ZNF576: variants seen among roughly 807,000 people sequenced by gnomAD.
ZNF576 encodes the protein zinc finger protein 576.
Under a neutral mutation model 10.8 loss-of-function variants are expected in ZNF576, and 9 were observed. That is an observed-to-expected ratio of 0.84 (90% CI 0.50 to 1.46). The LOEUF is 1.46. Among genes scored for constraint, ZNF576 ranks in the 40% most tolerant of loss-of-function variants. The pLI, the probability that ZNF576 is intolerant of heterozygous loss-of-function variation, is 0.00. For missense variants in ZNF576, 191 were observed against 233.7 expected, an observed-to-expected ratio of 0.82 and a Z score of 1.19; for synonymous variants, 88 against 89.6, an observed-to-expected ratio of 0.98 and a Z score of 0.10.
chr19:43,597,076 C>T lies in ZNF576; in HGVS notation c.-15-18C>T, dbSNP rs1973153322. ...ACAGATGAACAGCTTCACTTATGCACGCTCCTCTCCTGACTAGAAGGGTCC... is the reference window on the plus strand; with the variant it reads ...ACAGATGAACAGCTTCACTTATGCATGCTCCTCTCCTGACTAGAAGGGTCC... On this transcript the variant is annotated intron_variant, in intron 1 of 2. Coordinates refer to ENST00000336564, the MANE Select transcript of ZNF576 (RefSeq NM_001145347.2). 1 of 1,608,574 alleles carries T rather than the reference C, an allele frequency of 6.2e-7. No individual in the cohort carries two copies. The highest frequency in any genetic ancestry group is 1.7e-5 in the Admixed American group (1 of 59,986).
chr19:43,597,014 A>C, intron 1 of ZNF576, 80 bp from the exon 2 acceptor site: 1 of 1,219,466 alleles, frequency 8.2e-7, no homozygotes, highest in Non-Finnish European at 1.2e-6. Flanking sequence ...TGGCGATGTC[A>C]AAGGTCATAG....
At position 43,596,601 on chromosome 19, in the gene ZNF576, G is replaced by C. The variant is rs1449724306; in HGVS notation, c.-158G>C. On this transcript the variant is annotated 5_prime_UTR_variant, in exon 1 of 3. Coordinates refer to ENST00000336564, the MANE Select transcript of ZNF576 (RefSeq NM_001145347.2). Reference sequence around the variant, plus strand: ...GCCCTCTGCTGTAAGGAGGAAAACTGAGGCCTGGGAGCAGGAACCTGTAGG... The same window carrying C: ...GCCCTCTGCTGTAAGGAGGAAAACTCAGGCCTGGGAGCAGGAACCTGTAGG... The C allele has an allele frequency of 6.4e-6, 1 of 155,656 alleles. No homozygotes were observed. The highest frequency in any genetic ancestry group is 2.4e-5 in the African/African-American group (1 of 41,482). 9.6% of individuals were successfully genotyped at this position (155,656 alleles called of 1,614,324 possible).
In ZNF576 at chr19:43,600,000, A is replaced by G. The variant is rs536736594; in HGVS notation, c.*742A>G. ...AACATCCATATTAAAATGTCTAAAC[A>G]GGGAGCTCTGGCTTTTGAGTGGGAA... On this transcript the variant is annotated 3_prime_UTR_variant, in exon 3 of 3. Coordinates refer to ENST00000336564, the MANE Select transcript of ZNF576 (RefSeq NM_001145347.2). 2.0e-5 allele frequency: 3 copies of G among 152,354 alleles called. No homozygotes were observed. The highest frequency in any genetic ancestry group is 7.2e-5 in the African/African-American group (3 of 41,586). The allele number at this position is 152,354 out of a possible 1,614,324, so 9.4% of individuals were successfully genotyped here.
Position 43,597,201 on chromosome 19 carries a change from C to G in ZNF576, c.85+8C>G. ...GCCCAGGAGGCAACATCTGTGAGTA[C>G]ACATGGCTGGCGGGCTAGAGGAGGG... On this transcript the variant is annotated splice_region_variant and intron_variant, in intron 2 of 2. Coordinates refer to ENST00000336564, the MANE Select transcript of ZNF576 (RefSeq NM_001145347.2). 1 of 1,613,288 alleles carries G rather than the reference C, an allele frequency of 6.2e-7. No individual in the cohort carries two copies.
In ZNF576 at chr19:43,600,809, A is replaced by G. The variant is rs1295418022; in HGVS notation, c.*1551A>G. 6.6e-6 allele frequency: 1 copy of G among 152,288 alleles called. No homozygotes were observed. Among genetic ancestry groups the G allele is most frequent in the East Asian group, 1.9e-4 (1 of 5,210 alleles). The allele number at this position is 152,288 out of a possible 1,614,324, so 9.4% of individuals were successfully genotyped here. On this transcript the variant is annotated 3_prime_UTR_variant, in exon 3 of 3. Transcript: ENST00000336564. ...GGTTGCAGTGAGCCAAGATCGTGCC[A>G]TTGCACTTCAGCCTGGGTGACAGAG...
chr19:43,598,976 C>G lies in ZNF576; in HGVS notation c.231C>G (p.Ala77=). The G allele has an allele frequency of 6.2e-7, 1 of 1,614,148 alleles. No homozygotes were observed. Among genetic ancestry groups the G allele is most frequent in the East Asian group, 2.2e-5 (1 of 44,884 alleles). The stretch of plus-strand genomic sequence containing the variant: ...TCCTCTTCATCTGCTTCACCTGCGC[C>G]CGCTCCTTCCCCTCCTCCAAAGCCC... ...QGVLFICFTC[A]RSFPSSKALI... Residue 77 remains alanine, a synonymous_variant, in exon 3 of 3, where the codon GCC becomes GCG. Transcript: ENST00000336564.
chr19:43,597,237 G>A (rs754086057), intron 2 of ZNF576, 44 bp downstream of exon 2: 78 of 1,564,092 alleles, frequency 5.0e-5, no homozygotes, highest in Non-Finnish European at 6.6e-5. Context: ...TGGGGTGCAG[G>A]AGCTGATGCT....
At position 43,600,957 on chromosome 19, in the gene ZNF576, A is replaced by C. The variant is rs933008704; in HGVS notation, c.*1699A>C. ...GGATAAGAGCAACACGTGGGAAGAC[A>C]GAGCAACAAGATAGGAGCCTGGGTC... is the stretch of plus-strand genomic sequence containing the variant. On this transcript the variant is annotated 3_prime_UTR_variant, in exon 3 of 3. Coordinates refer to ENST00000336564, the MANE Select transcript of ZNF576 (RefSeq NM_001145347.2). The C allele has an allele frequency of 6.6e-6, 1 of 151,504 alleles. No homozygotes were observed. The highest frequency in any genetic ancestry group is 1.9e-4 in the East Asian group (1 of 5,206). 9.4% of individuals were successfully genotyped at this position (151,504 alleles called of 1,614,324 possible).
chr19:43,597,032 G>A (rs1973152827), intron 1 of ZNF576, 62 bp from the exon 2 acceptor site: 1 of 1,437,450 alleles, frequency 7.0e-7, no homozygotes. Context: ...TAGACTTAGG[G>A]TGCCCTCTAA....
chr19:43,598,198 G>T (rs554582734), intron 2 of ZNF576, among the ~76,000 whole-genome samples: 1 of 152,224 alleles, frequency 6.6e-6, no homozygotes, highest in Admixed American at 6.5e-5. Context: ...TTCATATTTT[G>T]TCTGTGCTCA....
Position 43,599,468 on chromosome 19 carries a change from G to A in ZNF576, c.*210G>A. 1 of 529,518 alleles carries A rather than the reference G, an allele frequency of 1.9e-6. No individual in the cohort carries two copies. Among genetic ancestry groups the A allele is most frequent in the Non-Finnish European group, 3.3e-6 (1 of 303,222 alleles). 32.8% of individuals were successfully genotyped at this position (529,518 alleles called of 1,614,324 possible). ...GGGCCTTCGTGAGACAGTGAAATCA[G>A]ATAATAATGAGATCTTTTGTTAAAA... is the stretch of plus-strand genomic sequence containing the variant. On this transcript the variant is annotated 3_prime_UTR_variant, in exon 3 of 3. Coordinates refer to ENST00000336564, the MANE Select transcript of ZNF576 (RefSeq NM_001145347.2).
Position 43,601,061 on chromosome 19 carries a change from T to G in ZNF576, c.*1803T>G, listed in dbSNP as rs1315825381. The G allele has an allele frequency of 2.0e-5, 3 of 152,240 alleles. No individual in the cohort carries two copies. The highest frequency in any genetic ancestry group is 7.2e-5 in the African/African-American group (3 of 41,456). The allele number at this position is 152,240 out of a possible 1,614,324, so 9.4% of individuals were successfully genotyped here. ...ATCTAAGAAAGAAACTTCTATCTTA[T>G]TTAAGCCACCATTATTTTGGGTCTC... On this transcript the variant is annotated 3_prime_UTR_variant, in exon 3 of 3. Coordinates refer to ENST00000336564, the MANE Select transcript of ZNF576 (RefSeq NM_001145347.2).
At chr19:43,598,721 A>C in intron 2 of ZNF576, 110 bp from the exon 3 acceptor site, 1 of 916,956 alleles carries the variant, frequency 1.1e-6, no homozygotes, top group Non-Finnish European at 1.7e-6. Flanking sequence ...TTAGCATAGA[A>C]CCTAGCACAT....
Position 43,599,594 on chromosome 19 carries a change from C to T in ZNF576, c.*336C>T, listed in dbSNP as rs1380055785. On this transcript the variant is annotated 3_prime_UTR_variant, in exon 3 of 3. Coordinates refer to ENST00000336564, the MANE Select transcript of ZNF576 (RefSeq NM_001145347.2). ...ATTGTGCCATCACCCTTCATTCTTC[C>T]CAGATGGATGCCATGGGCTATGGGA... 1.1e-5 allele frequency: 3 copies of T among 277,072 alleles called. No individual in the cohort carries two copies. The highest frequency in any genetic ancestry group is 4.4e-5 in the African/African-American group (2 of 44,950). 17.2% of individuals were successfully genotyped at this position (277,072 alleles called of 1,614,324 possible). A position where few individuals can be genotyped will look rare whatever the true frequency, so the allele number is the denominator to read the frequency against.
rs1973158588 is a variant in ZNF576, at chr19:43,597,358, G to A, written c.85+165G>A. Reference sequence around the variant, plus strand: ...GCAGGAAGTGCATCTCCTCACACCAGCTTATGTGGCCAGAGTACTCACCCT... The same window carrying A: ...GCAGGAAGTGCATCTCCTCACACCAACTTATGTGGCCAGAGTACTCACCCT... On this transcript the variant is annotated intron_variant, in intron 2 of 2. Transcript: ENST00000336564. 8.1e-6 allele frequency: 5 copies of A among 619,244 alleles called. No homozygotes were observed. In the South Asian group the frequency reaches 9.2e-5, roughly 11 times the overall value. 38.4% of individuals were successfully genotyped at this position (619,244 alleles called of 1,614,324 possible).
rs568418404 is a variant in ZNF576, at chr19:43,598,897, G to A, written c.152G>A (p.Arg51His). ...ITFADSKFQE[R>H]HMKREHPADF... ...TTCGCAGATTCCAAGTTCCAGGAGC[G>A]TCACATGAAGCGGGAGCACCCAGCG... Residue 51 changes from arginine to histidine, a missense_variant, in exon 3 of 3, where the codon CGT becomes CAT. Coordinates refer to ENST00000336564, the MANE Select transcript of ZNF576 (RefSeq NM_001145347.2). 1.4e-5 allele frequency: 22 copies of A among 1,605,670 alleles called. No individual in the cohort carries two copies. The South Asian group carries it at 2.2e-4, about 16-fold the overall frequency.
rs558731437 is a variant in ZNF576, at chr19:43,596,623, T to C, written c.-136T>C. 5.7e-4 allele frequency: 91 copies of C among 158,884 alleles called. 2 individuals carry two copies. Among genetic ancestry groups the C allele is most frequent in the South Asian group, 3.9e-3 (26 of 6,622 alleles). The allele number at this position is 158,884 out of a possible 1,614,324, so 9.8% of individuals were successfully genotyped here. A position where few individuals can be genotyped will look rare whatever the true frequency, so the allele number is the denominator to read the frequency against. On this transcript the variant is annotated 5_prime_UTR_variant, in exon 1 of 3. Coordinates refer to ENST00000336564, the MANE Select transcript of ZNF576 (RefSeq NM_001145347.2). ...ACTGAGGCCTGGGAGCAGGAACCTG[T>C]AGGCAGCGCTTGAGGGTAGCGGGAT...
intron 2 of ZNF576, 102 bp from the exon 3 acceptor site, chr19:43,598,729 C>T (rs1197268309): frequency 8.3e-6 from 8 of 969,348 alleles, no homozygotes; most frequent in Non-Finnish European, 9.4e-6. Context: ...GAACCTAGCA[C>T]ATAACACATT....
rs752666812 is a variant in ZNF576 at position 43,599,017 on chromosome 19, G to A, written c.272G>A (p.Arg91His). The change falls in exon 3 of 3, where the codon CGC becomes CAC. Residue 91 changes from arginine to histidine, a missense_variant. By Grantham distance (29) the Arg-to-His change is conservative (BLOSUM62 0). Coordinates refer to ENST00000336564, the MANE Select transcript of ZNF576 (RefSeq NM_001145347.2). Reference sequence around the variant, plus strand: ...TCCAAAGCCCTAATCACCCACCAGCGCAGCCACGGTCCAGCCGCCAAGCCC... The same window carrying A: ...TCCAAAGCCCTAATCACCCACCAGCACAGCCACGGTCCAGCCGCCAAGCCC... ...PSSKALITHQ[R>H]SHGPAAKPTL... 50 of 1,614,002 alleles carry A rather than the reference G, an allele frequency of 3.1e-5. No homozygotes were observed. The Admixed American group carries it at 3.2e-4, about 10-fold the overall frequency.
Sources: allele counts gnomAD v4.1 joint callset (sites outside exome capture counted in the v4.1 genomes callset), GRCh38; gene constraint gnomAD v4.1.1; transcripts MANE v1.5; gene names NCBI Gene and HGNC (gene_info 2026-07-23, HGNC 2026-07-21).